Variants in LRBA observed in about 807,000 individuals in gnomAD.
LRBA encodes the protein lipopolysaccharide-responsive and beige-like anchor protein.
Under a neutral mutation model 330.0 loss-of-function variants are expected in LRBA, and 176 were observed. The observed-to-expected ratio is 0.53, with a 90% CI of 0.47 to 0.60. The LOEUF (loss-of-function observed/expected upper bound fraction) is 0.60. LRBA is among the 20% of genes least tolerant of loss of function. The probability of loss-of-function intolerance (pLI) is 0.00; values close to 1 mark genes in which losing one functional copy is unlikely to be tolerated. For synonymous variants in LRBA, 1,230 were observed against 1,193.0 expected (o/e 1.03, Z -0.64); for missense variants, 3,259 against 3,444.8 (o/e 0.95, Z 1.35).
intron 40 of LRBA, among the ~76,000 whole-genome samples, chr4:150,536,150 C>T (rs777969120): frequency 3.9e-5 from 6 of 152,004 alleles, no homozygotes. Flanking sequence ...TAAAGAATTG[C>T]TCTGAAATGA....
At chr4:150,302,816 T>TA in intron 52 of LRBA, 24 bp from the exon 53 acceptor site, 1 of 1,529,972 alleles carries the variant, frequency 6.5e-7, no homozygotes, top group Non-Finnish European at 8.8e-7. Context: ...CAATTTTCTT[T>TA]AAAAATGCTA....
chr4:150,343,907 C>T (rs1284085174), intron 48 of LRBA, among the ~76,000 whole-genome samples: 1 of 152,194 alleles, frequency 6.6e-6, no homozygotes, highest in African/African-American at 2.4e-5. Flanking sequence ...TGTTGCCTTT[C>T]CACCTCATTC....
chr4:150,805,104 A>T (rs1446694691), intron 33 of LRBA, among the ~76,000 whole-genome samples: 1 of 151,584 alleles, frequency 6.6e-6, no homozygotes, highest in African/African-American at 2.4e-5. Flanking sequence ...ATCTACTTTC[A>T]CTTGGTTAAG....
intron 17 of LRBA, among the ~76,000 whole-genome samples, chr4:150,876,841 T>C (rs1754085191): frequency 6.6e-6 from 1 of 152,090 alleles, no homozygotes; most frequent in Non-Finnish European, 1.5e-5. Flanking sequence ...CATGATAGGA[T>C]CAAAATCTCA....
At chr4:150,501,380 G>A (rs536435176) in intron 40 of LRBA, among the ~76,000 whole-genome samples, 1 of 152,198 alleles carries the variant, frequency 6.6e-6, no homozygotes, top group Non-Finnish European at 1.5e-5. Context: ...GGTAGGCCAA[G>A]GTGGGAGAAT....
chr4:150,387,923 C>T (rs1181903606), intron 47 of LRBA, among the ~76,000 whole-genome samples: 2 of 152,112 alleles, frequency 1.3e-5, no homozygotes, highest in Non-Finnish European at 2.9e-5. Flanking sequence ...AGTGATGATA[C>T]ATAGAAAGTC....
intron 38 of LRBA, among the ~76,000 whole-genome samples, chr4:150,596,168 T>A (rs960490227): frequency 2.0e-5 from 3 of 151,900 alleles, no homozygotes; most frequent in Non-Finnish European, 4.4e-5. Flanking sequence ...AGCAAGTTAA[T>A]GTGAACTTGG....
intron 13 of LRBA, among the ~76,000 whole-genome samples, chr4:150,900,713 G>A (rs927628128): frequency 9.2e-5 from 14 of 151,988 alleles, no homozygotes; most frequent in African/African-American, 3.4e-4. Flanking sequence ...GAAAACCACA[G>A]AAAAAGATAT....
Position 150,471,663 on chromosome 4 carries a change from A to G in LRBA, c.6628T>C (p.Ser2210Pro), listed in dbSNP as rs1756145114. Residue 2210 changes from serine to proline, a missense_variant, in exon 43 of 57, where the codon TCT (serine) becomes CCT (proline). By Grantham distance (74) the Ser-to-Pro change is moderately conservative. Coordinates refer to ENST00000651943, the MANE Select transcript of LRBA (RefSeq NM_001364905.1). ...MTQRWQHREISNFEYLMFLNT... is the reference protein window; with the variant it reads ...MTQRWQHREIPNFEYLMFLNT... ...AGAAACATCAAGTACTCAAAATTAG[A>G]TATCTCTCTGTGTTGCCATCGCTGG... 5.6e-6 allele frequency: 9 copies of G among 1,608,570 alleles called. No homozygotes were observed. Among genetic ancestry groups the G allele is most frequent in the Non-Finnish European group, 6.8e-6 (8 of 1,178,140 alleles).
intron 47 of LRBA, among the ~76,000 whole-genome samples, chr4:150,370,848 G>A (rs1581134412): frequency 6.6e-6 from 1 of 152,220 alleles, no homozygotes; most frequent in Admixed American, 6.5e-5. Context: ...AAATAAAACT[G>A]ATAATTTTTT....
intron 46 of LRBA, among the ~76,000 whole-genome samples, chr4:150,428,571 G>C (rs1055468927): frequency 3.3e-5 from 5 of 151,976 alleles, no homozygotes; most frequent in Non-Finnish European, 7.4e-5. Context: ...AAACTACCTC[G>C]CTATTTTTCC....
intron 35 of LRBA, among the ~76,000 whole-genome samples, chr4:150,753,238 C>T (rs920902487): frequency 1.3e-5 from 2 of 152,132 alleles, no homozygotes; most frequent in African/African-American, 4.8e-5. Context: ...TTTTTAATTT[C>T]TTTATTGTCT....
chr4:150,407,676 T>TA (rs1447640579), intron 47 of LRBA, among the ~76,000 whole-genome samples: 4 of 152,114 alleles, frequency 2.6e-5, no homozygotes, highest in Non-Finnish European at 4.4e-5. Flanking sequence ...TCATACACAG[T>TA]ATGCTCTCCA....
chr4:150,720,554 G>C (rs527413338), intron 36 of LRBA, among the ~76,000 whole-genome samples: 2 of 151,962 alleles, frequency 1.3e-5, no homozygotes, highest in African/African-American at 2.4e-5. Context: ...ATAAGGCTAA[G>C]GATCAAAGAA....
chr4:150,508,793 A>G (rs1243663186), intron 40 of LRBA, among the ~76,000 whole-genome samples: 1 of 152,224 alleles, frequency 6.6e-6, no homozygotes, highest in Non-Finnish European at 1.5e-5. Context: ...ATTCCTCTGT[A>G]ATTAATAAAA....
chr4:150,581,158 G>A (rs1362922282), intron 40 of LRBA: 1 of 196,528 alleles, frequency 5.1e-6, no homozygotes, highest in South Asian at 8.8e-5. Flanking sequence ...TTTCTCTCTC[G>A]TAACTAGTTA....
chr4:150,682,555 T>C lies in LRBA; in HGVS notation c.5921+996A>G, dbSNP rs1313546493. Among the ~76,000 whole-genome samples the C allele has an allele frequency of 3.3e-5, 5 of 152,186 alleles. No individual in the cohort carries two copies. In the South Asian group the frequency reaches 1.0e-3, roughly 32 times the overall value. On this transcript the variant is annotated intron_variant, in intron 37 of 56. Transcript: ENST00000651943. Reference sequence around the variant, plus strand: ...AATATCACACGCTACATTTATTCTATATTAGTGAATACTTTATACAAATAG... The same window carrying C: ...AATATCACACGCTACATTTATTCTACATTAGTGAATACTTTATACAAATAG...
At chr4:151,011,573 G>A (rs536910709) in intron 2 of LRBA, among the ~76,000 whole-genome samples, 2 of 148,058 alleles carry the variant, frequency 1.4e-5, no homozygotes, top group South Asian at 4.3e-4. Flanking sequence ...ACTCCAGCCT[G>A]GGCAACAGAC....
intron 2 of LRBA, among the ~76,000 whole-genome samples, chr4:150,937,159 G>A (rs1027944155): frequency 6.6e-6 from 1 of 152,012 alleles, no homozygotes; most frequent in African/African-American, 2.4e-5. Flanking sequence ...TGCCTTTCAA[G>A]GAGAAATTGA....
Sources: gnomAD v4.1 joint callset for allele counts (sites outside exome capture counted in the v4.1 genomes callset) on GRCh38, gnomAD v4.1.1 for gene constraint, MANE v1.5 for transcripts, NCBI Gene and HGNC (gene_info 2026-07-23, HGNC 2026-07-21) for gene names.